Variants in COX16 observed in about 807,000 individuals in gnomAD.
COX16 encodes cytochrome c oxidase assembly protein COX16 homolog, mitochondrial.
A neutral mutation model predicts 15.4 loss-of-function variants in COX16; 12 were observed. The observed-to-expected ratio is 0.78, with a 90% CI of 0.50 to 1.26. The LOEUF (loss-of-function observed/expected upper bound fraction) is 1.26. COX16 is among the 50% of genes most tolerant of loss of function. COX16 has a pLI of 0.00. For missense variants in COX16, 124 were observed against 127.6 expected (o/e 0.97, Z 0.14); for synonymous variants, 46 against 41.1 (o/e 1.12, Z -0.46).
chr14:70,342,736 CAAA>C lies in COX16; in HGVS notation c.70-10_70-8del. The C allele has an allele frequency of 6.2e-7, 1 of 1,610,792 alleles. No individual in the cohort carries two copies. Among genetic ancestry groups the C allele is most frequent in the South Asian group, 1.1e-5 (1 of 90,044 alleles). On this transcript the variant is annotated splice_region_variant and splice_polypyrimidine_tract_variant and intron_variant, in intron 1 of 3. Transcript: ENST00000389912. ...AACCTCCAACAATCAGCAACTAAAA[CAAA>C]GAAAGGAAACATTTAAGCAAAACAG...
chr14:70,352,163 A>G (rs1254630146), intron 1 of COX16, among the ~76,000 whole-genome samples: 3 of 152,150 alleles, frequency 2.0e-5, no homozygotes, highest in African/African-American at 7.2e-5. Flanking sequence ...CGTGTAGTAT[A>G]TAATACTGGT....
At chr14:70,353,205 G>A (rs1188195086) in intron 1 of COX16, among the ~76,000 whole-genome samples, 2 of 146,728 alleles carry the variant, frequency 1.4e-5, no homozygotes, top group African/African-American at 5.1e-5. Context: ...AGGTTGCAGT[G>A]AGCCAAGACT....
At chr14:70,356,735 G>T (rs1376597201) in intron 1 of COX16, among the ~76,000 whole-genome samples, 2 of 144,250 alleles carry the variant, frequency 1.4e-5, no homozygotes, top group Non-Finnish European at 3.0e-5. Flanking sequence ...ACATGGTGGA[G>T]TATCTCCAAA....
intron 3 of COX16, among the ~76,000 whole-genome samples, chr14:70,327,441 T>A (rs925121268): frequency 6.6e-6 from 1 of 152,048 alleles, no homozygotes; most frequent in African/African-American, 2.4e-5. Flanking sequence ...GCATCATTAC[T>A]GGTATAGCAC....
At chr14:70,338,968 C>CA (rs780658336) in intron 2 of COX16, among the ~76,000 whole-genome samples, 1 of 152,172 alleles carries the variant, frequency 6.6e-6, no homozygotes, top group African/African-American at 2.4e-5. Flanking sequence ...ATTAAAGTAA[C>CA]AGAGTCATTT....
chr14:70,336,860 TC>T (rs1246538565), intron 2 of COX16, among the ~76,000 whole-genome samples: 4 of 152,200 alleles, frequency 2.6e-5, no homozygotes, highest in Admixed American at 1.3e-4. Context: ...TATCCAATAA[TC>T]TAAAATTTAT....
At chr14:70,352,707 G>A (rs1399794231) in intron 1 of COX16, among the ~76,000 whole-genome samples, 4 of 134,378 alleles carry the variant, frequency 3.0e-5, no homozygotes, top group African/African-American at 8.1e-5. Context: ...GTGCAGTGGC[G>A]CGATCTCGGC....
At chr14:70,349,582 A>G (rs905437516) in intron 1 of COX16, among the ~76,000 whole-genome samples, 6 of 152,212 alleles carry the variant, frequency 3.9e-5, no homozygotes, top group Non-Finnish European at 5.9e-5. Context: ...GGCAAAGTTG[A>G]AAAAATGAAC....
intron 1 of COX16, among the ~76,000 whole-genome samples, chr14:70,357,390 A>G (rs907051558): frequency 2.0e-5 from 3 of 152,164 alleles, no homozygotes; most frequent in African/African-American, 7.2e-5. Context: ...TCAACTTATG[A>G]CTAATTTGAA....
At chr14:70,353,433 TAC>T (rs1260490821) in intron 1 of COX16, among the ~76,000 whole-genome samples, 1 of 147,124 alleles carries the variant, frequency 6.8e-6, no homozygotes, top group Non-Finnish European at 1.5e-5. Flanking sequence ...CACACACATA[TAC>T]ACACATATAT....
intron 1 of COX16, among the ~76,000 whole-genome samples, chr14:70,350,103 T>C (rs1886902633): frequency 6.6e-6 from 1 of 152,120 alleles, no homozygotes; most frequent in Admixed American, 6.5e-5. Flanking sequence ...AATGTAAGAT[T>C]CTCCCCGGGG....
chr14:70,344,245 A>C (rs1218640923), intron 1 of COX16, among the ~76,000 whole-genome samples: 2 of 152,212 alleles, frequency 1.3e-5, no homozygotes, highest in Admixed American at 1.3e-4. Context: ...CATAAACTGT[A>C]ATTTCTAATC....
chr14:70,345,723 T>G (rs1170305803), intron 1 of COX16, among the ~76,000 whole-genome samples: 2 of 152,086 alleles, frequency 1.3e-5, no homozygotes, highest in Non-Finnish European at 2.9e-5. Context: ...TGCACTCAGT[T>G]CACAACCCAA....
intron 3 of COX16, among the ~76,000 whole-genome samples, chr14:70,328,411 A>T (rs1265766211): frequency 6.6e-6 from 1 of 152,208 alleles, no homozygotes; most frequent in Admixed American, 6.5e-5. Flanking sequence ...CAAAATGACC[A>T]GACATATACA....
chr14:70,349,749 T>C (rs1886890372), intron 1 of COX16, among the ~76,000 whole-genome samples: 1 of 152,208 alleles, frequency 6.6e-6, no homozygotes, highest in Non-Finnish European at 1.5e-5. Context: ...ACTTTTGTCT[T>C]GGGGCCTCCA....
chr14:70,343,456 A>G (rs933178514), intron 1 of COX16, among the ~76,000 whole-genome samples: 2 of 152,234 alleles, frequency 1.3e-5, no homozygotes, highest in African/African-American at 4.8e-5. Flanking sequence ...ACCCAGCAGT[A>G]AAACTTGCCA....
chr14:70,328,090 T>TTTTTTTTG (rs1886148034), intron 3 of COX16: 1 of 123,098 alleles, frequency 8.1e-6, no homozygotes, highest in African/African-American at 3.3e-5. Context: ...TTTTTTTTTT[T>TTTTTTTTG]TTTTTTTGAG....
chr14:70,347,279 A>G (rs1377728306), intron 1 of COX16, among the ~76,000 whole-genome samples: 1 of 152,180 alleles, frequency 6.6e-6, no homozygotes, highest in Non-Finnish European at 1.5e-5. Context: ...CCAGGACCTC[A>G]GGCTCATTAA....
chr14:70,344,087 A>T (rs1886703908), intron 1 of COX16, among the ~76,000 whole-genome samples: 1 of 152,178 alleles, frequency 6.6e-6, no homozygotes, highest in Non-Finnish European at 1.5e-5. Context: ...GGTTGAGCCC[A>T]ATTACCCGTC....
Sources: allele counts gnomAD v4.1 joint callset (sites outside exome capture counted in the v4.1 genomes callset), GRCh38; gene constraint gnomAD v4.1.1; transcripts MANE v1.5; gene names NCBI Gene and HGNC (gene_info 2026-07-23, HGNC 2026-07-21).